CXCL9: variants seen among roughly 807,000 people sequenced by gnomAD.
CXCL9 encodes C-X-C motif chemokine ligand 9, also known as C-X-C motif chemokine 9.
Under a neutral mutation model 11.7 loss-of-function variants are expected in CXCL9, and 8 were observed. The observed-to-expected ratio is 0.68, with a 90% confidence interval of 0.40 to 1.23. The LOEUF is 1.23. CXCL9 is among the 50% of genes most tolerant of loss of function. The pLI, the probability that CXCL9 is intolerant of heterozygous loss-of-function variation, is 0.01. For missense variants in CXCL9, 133 were observed against 141.7 expected (o/e 0.94, Z 0.31); for synonymous variants, 43 against 48.2 (o/e 0.89, Z 0.45).
chr4:76,003,330 G>C lies in CXCL9; in HGVS notation c.*268C>G. 2.6e-6 allele frequency: 1 copy of C among 392,106 alleles called. No individual in the cohort carries two copies. The highest frequency in any genetic ancestry group is 4.6e-6 in the Non-Finnish European group (1 of 217,884). The allele number at this position is 392,106 out of a possible 1,614,324, so 24.3% of individuals were successfully genotyped here. ...TTGGGTGAACATCTGTGTAGACATG[G>C]GTATTGCTAAAATCATGGCCTTAAG... On this transcript the variant is annotated 3_prime_UTR_variant, in exon 4 of 4. Coordinates refer to ENST00000264888, the MANE Select transcript of CXCL9 (RefSeq NM_002416.3).
In CXCL9 at chr4:76,003,676, C is replaced by G. The variant is rs898882780; in HGVS notation, c.300G>C (p.Lys100Asn). ...EKQVSQKKKQ[K>N]NGKKHQKKKV... Reference sequence around the variant, plus strand: ...TCTTTTTTTGATGTTTTTTCCCATTCTTTTGCTTTTTCTTTTGGCTGACCT... The same window carrying G: ...TCTTTTTTTGATGTTTTTTCCCATTGTTTTGCTTTTTCTTTTGGCTGACCT... Residue 100 changes from lysine (K) to asparagine (N), a missense_variant, in exon 4 of 4, where the codon AAG (lysine) becomes AAC (asparagine). By Grantham distance (94) the Lys-to-Asn change is moderately conservative. Transcript: ENST00000264888. The G allele has an allele frequency of 6.2e-7, 1 of 1,610,412 alleles. No homozygotes were observed. The highest frequency in any genetic ancestry group is 8.5e-7 in the Non-Finnish European group (1 of 1,178,030).
chr4:76,006,205 G>A lies in CXCL9; in HGVS notation c.134C>T (p.Ser45Phe), dbSNP rs370953150. The change falls in exon 2 of 4, where the codon TCC becomes TTC. Residue 45 changes from serine to phenylalanine, a missense_variant. Ser to Phe is a radical substitution (Grantham distance 155). Transcript: ENST00000264888. ...STNQGTIHLQ[S>F]LKDLKQFAPS... Reference sequence around the variant, plus strand: ...GGCAAATTGTTTAAGGTCTTTCAAGGATTGTAGGTGGATAGTCCCTTGGTT... The same window carrying A: ...GGCAAATTGTTTAAGGTCTTTCAAGAATTGTAGGTGGATAGTCCCTTGGTT... 27 of 1,613,618 alleles carry A rather than the reference G, an allele frequency of 1.7e-5. No homozygotes were observed. The highest frequency in any genetic ancestry group is 3.3e-5 in the Admixed American group (2 of 59,994).
intron 3 of CXCL9, 134 bp downstream of exon 3, chr4:76,004,675 A>C: frequency 1.5e-6 from 2 of 1,304,188 alleles, no homozygotes; most frequent in Non-Finnish European, 2.0e-6. Flanking sequence ...AACAAAATAG[A>C]AGCACCATAA....
At chr4:76,005,554 T>C (rs1731568855) in intron 2 of CXCL9, 1 of 152,238 alleles carries the variant, frequency 6.6e-6, no homozygotes, top group Non-Finnish European at 1.5e-5. Context: ...ATTTCAGCAG[T>C]AAAAATTTGG....
intron 1 of CXCL9, 89 bp from the exon 2 acceptor site, chr4:76,006,363 T>A: frequency 2.3e-6 from 3 of 1,298,596 alleles, no homozygotes; most frequent in Non-Finnish European, 3.2e-6. Context: ...GACTGAGTCA[T>A]GATTATTGCT....
rs1252352344 is a variant in CXCL9 at position 76,003,285 on chromosome 4, C to T, written c.*313G>A. ...AGCCTAGGGCTGCTCTTCCAGGCAGCTGTTGTGAGTGGGATGTGGTTGGGT... is the reference window on the plus strand; with the variant it reads ...AGCCTAGGGCTGCTCTTCCAGGCAGTTGTTGTGAGTGGGATGTGGTTGGGT... On this transcript the variant is annotated 3_prime_UTR_variant, in exon 4 of 4. Coordinates refer to ENST00000264888, the MANE Select transcript of CXCL9 (RefSeq NM_002416.3). 1.2e-5 allele frequency: 3 copies of T among 244,316 alleles called. No individual in the cohort carries two copies. The highest frequency in any genetic ancestry group is 6.6e-5 in the South Asian group (1 of 15,172). 15.1% of individuals were successfully genotyped at this position (244,316 alleles called of 1,614,324 possible).
At chr4:76,004,780 A>G in intron 3 of CXCL9, 29 bp downstream of exon 3, 1 of 1,583,868 alleles carries the variant, frequency 6.3e-7, no homozygotes, top group Non-Finnish European at 8.5e-7. Flanking sequence ...TCTAAAAGAA[A>G]GAAAATTTTG....
chr4:76,005,469 C>CA (rs1450617809), intron 2 of CXCL9: 1 of 152,184 alleles, frequency 6.6e-6, no homozygotes, highest in Non-Finnish European at 1.5e-5. Flanking sequence ...AAAATATGCA[C>CA]ACATCCTTCA....
chr4:76,005,943 C>T (rs1028092176), intron 2 of CXCL9: 1 of 460,854 alleles, frequency 2.2e-6, no homozygotes, highest in East Asian at 4.1e-5. Context: ...GTACAATAAA[C>T]ATGTGTCATT....
Position 76,007,350 on chromosome 4 carries a change from TTC to T in CXCL9, c.64+34_64+35del, listed in dbSNP as rs755178145. ...TCAAGATTCTTTTACAGTGAATCAC[TTC>T]TCTTACTTTACAACCTAACTCAGAA... On this transcript the variant is annotated intron_variant, in intron 1 of 3. Transcript: ENST00000264888. The T allele has an allele frequency of 1.1e-5, 13 of 1,154,470 alleles. No homozygotes were observed. The East Asian group carries it at 3.0e-4, about 27-fold the overall frequency. 71.5% of individuals were successfully genotyped at this position (1,154,470 alleles called of 1,614,324 possible). A position where few individuals can be genotyped will look rare whatever the true frequency, so the allele number is the denominator to read the frequency against.
intron 1 of CXCL9, 45 bp from the exon 2 acceptor site, chr4:76,006,319 T>C (rs750526061): frequency 6.3e-7 from 1 of 1,577,168 alleles, no homozygotes; most frequent in South Asian, 1.2e-5. Context: ...AGGCCAATGT[T>C]TCAGTTTAGG....
rs1006838286 is a variant in CXCL9, at chr4:76,006,243, G to A, written c.96C>T (p.Ser32=). The A allele has an allele frequency of 3.7e-6, 6 of 1,613,716 alleles. No individual in the cohort carries two copies. The highest frequency in any genetic ancestry group is 5.1e-6 in the Non-Finnish European group (6 of 1,179,666). Residue 32 remains serine (S), a synonymous_variant, in exon 2 of 4, where the codon TCC becomes TCT. Transcript: ENST00000264888. ...GTPVVRKGRC[S]CISTNQGTIH... ...TAGTCCCTTGGTTGGTGCTGATGCA[G>A]GAACAGCGACCCTTTCTCACTACTG...
Position 76,002,415 on chromosome 4 carries a change from G to C in CXCL9, c.*1183C>G. ...GCATCATCCCTGGTCCCTGTAGTGA[G>C]TGTCCTGAAGATAATAAGTAAGAGG... On this transcript the variant is annotated 3_prime_UTR_variant, in exon 4 of 4. Coordinates refer to ENST00000264888, the MANE Select transcript of CXCL9 (RefSeq NM_002416.3). The C allele has an allele frequency of 2.5e-6, 1 of 398,514 alleles. No individual in the cohort carries two copies. Among genetic ancestry groups the C allele is most frequent in the Non-Finnish European group, 4.4e-6 (1 of 225,992 alleles). The allele number at this position is 398,514 out of a possible 1,614,324, so 24.7% of individuals were successfully genotyped here. A position where few individuals can be genotyped will look rare whatever the true frequency, so the allele number is the denominator to read the frequency against.
chr4:76,004,412 A>T (rs1357503795), intron 3 of CXCL9, among the ~76,000 whole-genome samples: 7 of 151,974 alleles, frequency 4.6e-5, no homozygotes, highest in Admixed American at 4.6e-4. Flanking sequence ...AAAGTTAAGT[A>T]CTCCCTCCTC....
At position 76,006,043 on chromosome 4, in the gene CXCL9, G is replaced by A. The variant is rs544824916; in HGVS notation, c.191+105C>T. 32 of 1,041,170 alleles carry A rather than the reference G, an allele frequency of 3.1e-5. No individual in the cohort carries two copies. In the South Asian group the frequency reaches 4.7e-4, roughly 15 times the overall value. The allele number at this position is 1,041,170 out of a possible 1,614,324, so 64.5% of individuals were successfully genotyped here. On this transcript the variant is annotated intron_variant, in intron 2 of 3. Transcript: ENST00000264888. ...AAATTTATGGAGGGGGTAACCATCT[G>A]ATTTTTAAGTGTTTGTATGGGCAAG...
chr4:76,006,024 A>G, intron 2 of CXCL9, 124 bp downstream of exon 2: 3 of 827,278 alleles, frequency 3.6e-6, no homozygotes, highest in Non-Finnish European at 5.7e-6. Context: ...GCCCAAATTT[A>G]TGGAGGGGGT....
At chr4:76,004,776 A>G in intron 3 of CXCL9, 33 bp downstream of exon 3, 1 of 1,583,622 alleles carries the variant, frequency 6.3e-7, no homozygotes, top group Non-Finnish European at 8.5e-7. Context: ...AATTTCTAAA[A>G]GAAAGAAAAT....
chr4:76,001,614 A>AT lies in CXCL9; in HGVS notation c.*1983dup, dbSNP rs1263513311. On this transcript the variant is annotated 3_prime_UTR_variant, in exon 4 of 4. Transcript: ENST00000264888. Reference sequence around the variant, plus strand: ...CATGTATGTATATATATGATAAATGATTATAACGTGTGTGTCAGTGACAAT... The same window carrying AT: ...CATGTATGTATATATATGATAAATGATTTATAACGTGTGTGTCAGTGACAAT... The AT allele has an allele frequency of 1.5e-4, 23 of 152,198 alleles. No individual in the cohort carries two copies. The highest frequency in any genetic ancestry group is 5.6e-4 in the African/African-American group (23 of 41,436). The allele number at this position is 152,198 out of a possible 1,614,324, so 9.4% of individuals were successfully genotyped here. A position where few individuals can be genotyped will look rare whatever the true frequency, so the allele number is the denominator to read the frequency against.
At chr4:76,004,746 A>T in intron 3 of CXCL9, 63 bp downstream of exon 3, 1 of 1,557,830 alleles carries the variant, frequency 6.4e-7, no homozygotes, top group African/African-American at 1.4e-5. Flanking sequence ...GAAAAAGCAG[A>T]TTCTTTGTCT....
Sources: allele counts gnomAD v4.1 joint callset (sites outside exome capture counted in the v4.1 genomes callset), GRCh38; gene constraint gnomAD v4.1.1; transcripts MANE v1.5; gene names NCBI Gene and HGNC (gene_info 2026-07-23, HGNC 2026-07-21).